The following SATB2 variants were observed in gnomAD, a reference collection of about 807,000 sequenced individuals.
SATB2 encodes the protein DNA-binding protein SATB2.
A neutral mutation model predicts 73.4 loss-of-function variants in SATB2; 1 was observed. The ratio of observed to expected loss-of-function variants is 0.01; its 90% CI spans 0.00 to 0.06. SATB2 has a LOEUF of 0.06. Among genes scored for constraint, SATB2 ranks in the 10% least tolerant of loss-of-function variants. The pLI is 1.00. For missense variants in SATB2, 459 were observed against 945.8 expected, an observed-to-expected ratio of 0.49 and a Z score of 6.75; for synonymous variants, 397 against 367.0, an observed-to-expected ratio of 1.08 and a Z score of -0.93.
At position 199,314,259 on chromosome 2, in the gene SATB2, CAATA is replaced by C. The variant is rs567276159; in HGVS notation, c.1543-5306_1543-5303del. On this transcript the variant is annotated intron_variant, in intron 9 of 10. Coordinates refer to ENST00000417098, the MANE Select transcript of SATB2 (RefSeq NM_001172509.2). Reference sequence around the variant, plus strand: ...TGGTTTCTTGCACATAGTAGCTTCTCAATAAATAGTCATTAGATTGAACCAAAAT... The same window carrying C: ...TGGTTTCTTGCACATAGTAGCTTCTCAATAGTCATTAGATTGAACCAAAAT... 2.9e-3 allele frequency among the ~76,000 whole-genome samples: 434 copies of C among 152,268 alleles called. 1 individual carries two copies. Among genetic ancestry groups the C allele is most frequent in the Non-Finnish European group, 4.9e-3 (334 of 68,018 alleles).
intron 3 of SATB2, among the ~76,000 whole-genome samples, chr2:199,425,231 G>C (rs1209732621): frequency 6.6e-6 from 1 of 152,168 alleles, no homozygotes; most frequent in Non-Finnish European, 1.5e-5. Flanking sequence ...ATATCTGTAG[G>C]TCAGTCTGTT....
upstream of SATB2, among the ~76,000 whole-genome samples, chr2:199,467,852 T>C (rs1019705588): frequency 1.3e-5 from 2 of 151,912 alleles, no homozygotes; most frequent in Non-Finnish European, 2.9e-5. Flanking sequence ...GAATGGGGTG[T>C]CCCTGCCTCC....
intron 3 of SATB2, among the ~76,000 whole-genome samples, chr2:199,395,289 TG>T (rs1690265551): frequency 6.6e-6 from 1 of 152,206 alleles, no homozygotes. Flanking sequence ...GGTATTATTA[TG>T]TTGCTACACT....
intron 10 of SATB2, among the ~76,000 whole-genome samples, chr2:199,295,606 G>A (rs1478646690): frequency 2.0e-5 from 3 of 152,160 alleles, no homozygotes; most frequent in Non-Finnish European, 2.9e-5. Context: ...AGAGAAGCAA[G>A]ACCATGTTCC....
chr2:199,426,673 T>C (rs1691338451), intron 3 of SATB2, among the ~76,000 whole-genome samples: 1 of 130,854 alleles, frequency 7.6e-6, no homozygotes. Context: ...ACAACATATA[T>C]CTTTTAACCA....
intron 3 of SATB2, among the ~76,000 whole-genome samples, chr2:199,399,238 C>G (rs1222043319): frequency 6.6e-6 from 1 of 152,164 alleles, no homozygotes; most frequent in Non-Finnish European, 1.5e-5. Context: ...TGCCACTGCA[C>G]TCCAGCCTGG....
intron 10 of SATB2, among the ~76,000 whole-genome samples, chr2:199,305,693 G>C (rs759851669): frequency 4.6e-5 from 7 of 152,114 alleles, no homozygotes. Context: ...AATGGAGAAG[G>C]AGTGATGCAA....
At chr2:199,443,662 T>C (rs139019002) in intron 2 of SATB2, among the ~76,000 whole-genome samples, 15 of 151,690 alleles carry the variant, frequency 9.9e-5, no homozygotes, top group Middle Eastern at 6.8e-3. Context: ...CACTGTGCAA[T>C]GAATGCAGAT....
chr2:199,407,307 A>AG (rs1553500903), intron 3 of SATB2, among the ~76,000 whole-genome samples: 18 of 151,244 alleles, frequency 1.2e-4, no homozygotes, highest in East Asian at 7.7e-4. Flanking sequence ...AAAAAAAAAA[A>AG]AGAGAGAGAA....
chr2:199,380,355 G>A lies in SATB2; in HGVS notation c.597+9C>T. On this transcript the variant is annotated intron_variant, in intron 5 of 10. Coordinates refer to ENST00000417098, the MANE Select transcript of SATB2 (RefSeq NM_001172509.2). ...TCTGTTTCCCAGACCCCCACCTGAA[G>A]ATACTGACCTGGGAGAGAGGGCATT... 3 of 1,613,932 alleles carry A rather than the reference G, an allele frequency of 1.9e-6. No individual in the cohort carries two copies. Among genetic ancestry groups the A allele is most frequent in the Non-Finnish European group, 2.5e-6 (3 of 1,179,816 alleles).
In SATB2 at chr2:199,270,595, T is replaced by C. The variant is rs1480961983; in HGVS notation, c.*1616A>G. On this transcript the variant is annotated 3_prime_UTR_variant, in exon 11 of 11. Transcript: ENST00000417098. ...TTACGTTCACTAGGCCAGTCCTGAA[T>C]GTGAGGTCTCCTCTTGCAATTACTG... is the stretch of plus-strand genomic sequence containing the variant. 6.6e-6 allele frequency: 1 copy of C among 152,012 alleles called. No individual in the cohort carries two copies. Among genetic ancestry groups the C allele is most frequent in the Non-Finnish European group, 1.5e-5 (1 of 68,008 alleles). 9.4% of individuals were successfully genotyped at this position (152,012 alleles called of 1,614,324 possible).
At chr2:199,304,072 G>T (rs570417767) in intron 10 of SATB2, among the ~76,000 whole-genome samples, 1 of 152,296 alleles carries the variant, frequency 6.6e-6, no homozygotes, top group Non-Finnish European at 1.5e-5. Context: ...CTGCATGAGG[G>T]AAGTGTGGTC....
intron 2 of SATB2, among the ~76,000 whole-genome samples, chr2:199,442,587 T>C (rs1048159457): frequency 6.6e-6 from 1 of 152,030 alleles, no homozygotes; most frequent in Non-Finnish European, 1.5e-5. Context: ...AAAAATGTTA[T>C]AAGGACAAAA....
intron 10 of SATB2, among the ~76,000 whole-genome samples, chr2:199,289,969 G>A (rs183564042): frequency 1.7e-3 from 259 of 152,318 alleles, no homozygotes; most frequent in African/African-American, 3.8e-3. Context: ...ACAGCCAACC[G>A]AACATCTTGC....
At chr2:199,409,641 C>A (rs1036903355) in intron 3 of SATB2, among the ~76,000 whole-genome samples, 9 of 144,416 alleles carry the variant, frequency 6.2e-5, no homozygotes, top group Non-Finnish European at 1.1e-4. Context: ...TTAAAAAAAA[C>A]CAAGACAAGT....
chr2:199,424,327 A>G (rs190137509), intron 3 of SATB2, among the ~76,000 whole-genome samples: 59 of 152,308 alleles, frequency 3.9e-4, no homozygotes, highest in African/African-American at 1.3e-3. Context: ...AAGGTGCCCA[A>G]CTGTGACCAA....
At chr2:199,344,139 T>C (rs768232662) in intron 7 of SATB2, among the ~76,000 whole-genome samples, 2 of 152,178 alleles carry the variant, frequency 1.3e-5, no homozygotes, top group Non-Finnish European at 2.9e-5. Flanking sequence ...ACAACCATGC[T>C]TTCAATTTTA....
At chr2:199,357,315 C>T (rs1689015712) in intron 6 of SATB2, among the ~76,000 whole-genome samples, 1 of 152,166 alleles carries the variant, frequency 6.6e-6, no homozygotes, top group Non-Finnish European at 1.5e-5. Flanking sequence ...GTGTAACATA[C>T]ACTGAAAAGA....
rs1328022557 is a variant in SATB2, at chr2:199,269,883, G to C, written c.*2328C>G. On this transcript the variant is annotated 3_prime_UTR_variant, in exon 11 of 11. Transcript: ENST00000417098. ...ATTCACTTAGAACCACTGCAAACTT[G>C]GCAGTGAAATTAAAAAATAAAAGGC... The C allele has an allele frequency of 6.6e-6, 1 of 152,630 alleles. No individual in the cohort carries two copies. Among genetic ancestry groups the C allele is most frequent in the Non-Finnish European group, 1.5e-5 (1 of 68,014 alleles). The allele number at this position is 152,630 out of a possible 1,614,324, so 9.5% of individuals were successfully genotyped here.
Sources: gnomAD v4.1 joint callset for allele counts (sites outside exome capture counted in the v4.1 genomes callset) on GRCh38, gnomAD v4.1.1 for gene constraint, MANE v1.5 for transcripts, NCBI Gene and HGNC (gene_info 2026-07-23, HGNC 2026-07-21) for gene names.